The following BLTP3A variants were observed in gnomAD, a reference collection of about 807,000 sequenced individuals.
BLTP3A encodes the protein ICBP90 binding protein 1.
At chr6:34,839,340 CTT>C in the BLTP3A span, among the ~76,000 whole-genome samples, 2 of 51,660 alleles carry the variant, frequency 3.9e-5, no homozygotes, top group East Asian at 1.3e-3. Flanking sequence ...TCTTGTAACT[CTT>C]TCTCTGGGAT....
chr6:34,801,467 A>G, the BLTP3A span, among the ~76,000 whole-genome samples: 1 of 152,056 alleles, frequency 6.6e-6, no homozygotes, highest in African/African-American at 2.4e-5. Flanking sequence ...AGATCATTGT[A>G]TCTCACCAAG....
the BLTP3A span, chr6:34,792,132 C>T: frequency 5.6e-6 from 5 of 886,540 alleles, no homozygotes. Context: ...GCCATGGCGG[C>T]GGCGGCGGCT....
the BLTP3A span, chr6:34,834,270 C>A: frequency 6.2e-7 from 1 of 1,614,078 alleles, no homozygotes; most frequent in Admixed American, 1.7e-5. Flanking sequence ...ATTGTCAATT[C>A]TATCACCATC....
the BLTP3A span, among the ~76,000 whole-genome samples, chr6:34,852,849 C>T: frequency 3.3e-5 from 5 of 152,204 alleles, no homozygotes; most frequent in African/African-American, 1.2e-4. Flanking sequence ...CTCTAATAAC[C>T]TCCGGATGGA....
the BLTP3A span, among the ~76,000 whole-genome samples, chr6:34,803,043 A>C: frequency 1.8e-3 from 267 of 151,612 alleles, 1 homozygote; most frequent in African/African-American, 6.1e-3. Context: ...GGTGTGGGGC[A>C]TGGTGGCGTG....
chr6:34,856,313 A>T, the BLTP3A span: 1 of 1,614,058 alleles, frequency 6.2e-7, no homozygotes, highest in Admixed American at 1.7e-5. Flanking sequence ...GAAGCTGGTG[A>T]TGGAATTTCA....
chr6:34,793,476 G>A, the BLTP3A span, among the ~76,000 whole-genome samples: 1 of 152,074 alleles, frequency 6.6e-6, no homozygotes, highest in East Asian at 1.9e-4. Context: ...TTTGGTAAGC[G>A]GTGTGTGAGA....
chr6:34,829,156 G>A, the BLTP3A span, among the ~76,000 whole-genome samples: 2 of 151,964 alleles, frequency 1.3e-5, no homozygotes, highest in African/African-American at 2.4e-5. Context: ...ACAATTCAGT[G>A]GTTTTTACTG....
At chr6:34,832,124 T>C in the BLTP3A span, among the ~76,000 whole-genome samples, 1 of 46,720 alleles carries the variant, frequency 2.1e-5, no homozygotes, top group Non-Finnish European at 3.6e-5. Flanking sequence ...TTTTTCTTTC[T>C]TTTTTTTTTT....
chr6:34,852,815 G>A, the BLTP3A span, among the ~76,000 whole-genome samples: 1 of 152,176 alleles, frequency 6.6e-6, no homozygotes, highest in African/African-American at 2.4e-5. Context: ...CAGTGATGGG[G>A]CTAGCCAGAA....
chr6:34,835,345 C>T, the BLTP3A span: 5 of 1,614,176 alleles, frequency 3.1e-6, no homozygotes, highest in Non-Finnish European at 4.2e-6. Flanking sequence ...GTTGGATGAC[C>T]TGCTCTGGGT....
At chr6:34,854,435 T>C in the BLTP3A span, among the ~76,000 whole-genome samples, 1 of 152,166 alleles carries the variant, frequency 6.6e-6, no homozygotes, top group Non-Finnish European at 1.5e-5. Context: ...AAAATGTTAA[T>C]TTAACTTTTA....
the BLTP3A span, among the ~76,000 whole-genome samples, chr6:34,803,080 G>T: frequency 6.6e-6 from 1 of 152,144 alleles, no homozygotes; most frequent in East Asian, 1.9e-4. Context: ...AGCTACTTGG[G>T]GGGCTGAGGT....
chr6:34,855,514 T>G, the BLTP3A span: 1 of 1,354,536 alleles, frequency 7.4e-7, no homozygotes, highest in East Asian at 2.4e-5. Flanking sequence ...TGTTATCAGC[T>G]GGGCTTTGAA....
At chr6:34,812,256 G>A in the BLTP3A span, among the ~76,000 whole-genome samples, 384 of 151,644 alleles carry the variant, frequency 2.5e-3, 1 homozygote, top group African/African-American at 8.1e-3. Flanking sequence ...TTGAACCCAG[G>A]AGGTGGAGGT....
the BLTP3A span, among the ~76,000 whole-genome samples, chr6:34,835,947 C>T: frequency 6.6e-6 from 1 of 152,100 alleles, no homozygotes; most frequent in Non-Finnish European, 1.5e-5. Context: ...TGTATTCCAG[C>T]AGTTATTAGA....
At chr6:34,857,193 G>T in the BLTP3A span, 1 of 1,159,848 alleles carries the variant, frequency 8.6e-7, no homozygotes, top group Non-Finnish European at 1.2e-6. Context: ...GAGAACACCT[G>T]GAATATATGT....
At chr6:34,868,034 G>A in the BLTP3A span, among the ~76,000 whole-genome samples, 15 of 152,152 alleles carry the variant, frequency 9.9e-5, no homozygotes, top group South Asian at 4.1e-4. Context: ...TTGGCTGGGC[G>A]CGGGGCTCAT....
the BLTP3A span, among the ~76,000 whole-genome samples, chr6:34,851,182 G>A: frequency 6.6e-6 from 1 of 152,112 alleles, no homozygotes; most frequent in Admixed American, 6.5e-5. Context: ...TGTTTTCCTG[G>A]ATGGTCTTGG....
Sources: allele counts gnomAD v4.1 joint callset (sites outside exome capture counted in the v4.1 genomes callset), GRCh38; gene constraint gnomAD v4.1.1; transcripts MANE v1.5; gene names NCBI Gene and HGNC (gene_info 2026-07-23, HGNC 2026-07-21).